RAPGEF2: variants seen among roughly 807,000 people sequenced by gnomAD.
The protein encoded by RAPGEF2 is PDZ domain containing guanine nucleotide exchange factor (GEF) 1.
A neutral mutation model predicts 186.7 loss-of-function variants in RAPGEF2; 54 were observed. That is an observed-to-expected ratio of 0.29 (90% CI 0.23 to 0.36). RAPGEF2 has a LOEUF of 0.36. Among genes scored for constraint, RAPGEF2 ranks in the 10% least tolerant of loss-of-function variants. The pLI is 1.00. For missense variants in RAPGEF2, 1,532 were observed against 2,045.0 expected, an observed-to-expected ratio of 0.75 and a Z score of 4.84; for synonymous variants, 712 against 705.9, an observed-to-expected ratio of 1.01 and a Z score of -0.14.
At chr4:159,175,928 A>G (rs1373455945) in intron 1 of RAPGEF2, among the ~76,000 whole-genome samples, 1 of 152,168 alleles carries the variant, frequency 6.6e-6, no homozygotes, top group Non-Finnish European at 1.5e-5. Context: ...TGCAGAGCTG[A>G]GAAAGAGATG....
chr4:159,339,940 G>A (rs2111253059), intron 19 of RAPGEF2, among the ~76,000 whole-genome samples: 1 of 152,268 alleles, frequency 6.6e-6, no homozygotes, highest in East Asian at 1.9e-4. Context: ...TGCTGCAGAA[G>A]TGCTTATATC....
chr4:159,273,650 CTTT>C (rs1758432518), intron 7 of RAPGEF2, among the ~76,000 whole-genome samples: 1 of 139,316 alleles, frequency 7.2e-6, no homozygotes, highest in Non-Finnish European at 1.6e-5. Flanking sequence ...TTCTTTCTTT[CTTT>C]CTTTCTTTCT....
At chr4:159,109,971 G>T (rs1395557970) in intron 1 of RAPGEF2, among the ~76,000 whole-genome samples, 1 of 152,186 alleles carries the variant, frequency 6.6e-6, no homozygotes, top group East Asian at 1.9e-4. Flanking sequence ...CATTTTCCTG[G>T]CTTGAGATGG....
intron 4 of RAPGEF2, among the ~76,000 whole-genome samples, chr4:159,218,425 G>A (rs898255724): frequency 7.9e-5 from 12 of 152,152 alleles, no homozygotes; most frequent in African/African-American, 2.4e-4. Flanking sequence ...GAGGCAATAC[G>A]TAAGCTTTTT....
At position 159,360,140 on chromosome 4, in the gene RAPGEF2, TATAAC is replaced by T. The variant is rs1377418806; in HGVS notation, c.*2006_*2010del. On this transcript the variant is annotated 3_prime_UTR_variant, in exon 30 of 30. Transcript: ENST00000691494. Reference sequence around the variant, plus strand: ...TTGTACAAGCTGGAAAATAAATAAATATAACATAAAGCCTTGCCTATATTCTTAAT... The same window carrying T: ...TTGTACAAGCTGGAAAATAAATAAATATAAAGCCTTGCCTATATTCTTAAT... 10 of 152,206 alleles carry T rather than the reference TATAAC, an allele frequency of 6.6e-5. No homozygotes were observed. The highest frequency in any genetic ancestry group is 6.2e-4 in the South Asian group (3 of 4,830). 9.4% of individuals were successfully genotyped at this position (152,206 alleles called of 1,614,324 possible).
At chr4:159,213,029 G>A (rs974277655) in intron 4 of RAPGEF2, among the ~76,000 whole-genome samples, 4 of 152,276 alleles carry the variant, frequency 2.6e-5, no homozygotes, top group Admixed American at 1.3e-4. Flanking sequence ...TTCTTTTTCT[G>A]GCTGGATGTC....
chr4:159,323,700 A>G, intron 11 of RAPGEF2, 83 bp downstream of exon 11: 3 of 832,446 alleles, frequency 3.6e-6, no homozygotes, highest in Non-Finnish European at 4.9e-6. Flanking sequence ...TTTTCTCCCT[A>G]TATAAATATC....
At chr4:159,133,294 T>G (rs1741311870) in intron 1 of RAPGEF2, among the ~76,000 whole-genome samples, 2 of 152,212 alleles carry the variant, frequency 1.3e-5, no homozygotes, top group Non-Finnish European at 2.9e-5. Context: ...ATTTTGCTTG[T>G]TGTTGTAGAA....
intron 7 of RAPGEF2, among the ~76,000 whole-genome samples, chr4:159,280,849 A>G (rs1759593838): frequency 6.6e-6 from 1 of 152,206 alleles, no homozygotes; most frequent in Non-Finnish European, 1.5e-5. Context: ...TCTACACAGC[A>G]ATAGGAAAGA....
intron 20 of RAPGEF2, among the ~76,000 whole-genome samples, 170 bp from the exon 21 acceptor site, chr4:159,342,809 A>G (rs1378286779): frequency 6.6e-6 from 1 of 151,874 alleles, no homozygotes. Context: ...CCCTGACCCT[A>G]CTTCCCTGTG....
At chr4:159,121,802 G>A (rs545468431) in intron 1 of RAPGEF2, among the ~76,000 whole-genome samples, 3 of 151,302 alleles carry the variant, frequency 2.0e-5, no homozygotes, top group South Asian at 4.2e-4. Flanking sequence ...AGGCCGAGGC[G>A]GGCGGATCAC....
Position 159,330,490 on chromosome 4 carries a change from A to G in RAPGEF2, c.1459A>G (p.Arg487Gly). The change falls in exon 13 of 30, where the codon AGG becomes GGG. Residue 487 changes from arginine (R) to glycine (G), a missense_variant. Physicochemically the swap from Arg to Gly is moderately radical, Grantham distance 125. Around this residue, in one of 4 missense-constraint regions of RAPGEF2, gnomAD observed 810 missense variants for 1,210.5 expected, o/e 0.67. Coordinates refer to ENST00000691494, the MANE Select transcript of RAPGEF2 (RefSeq NM_001394067.2). ...LLEWFNDPSL[R>G]DKVTRVVLLW... is the part of the protein sequence containing the mutation. ...GGAGTGGTTTAATGACCCGAGCCTC[A>G]GGGATAAGGTTGGAAATATATTCTA... 6.2e-7 allele frequency: 1 copy of G among 1,600,318 alleles called. No individual in the cohort carries two copies. Among genetic ancestry groups the G allele is most frequent in the South Asian group, 1.1e-5 (1 of 87,806 alleles).
At chr4:159,127,535 A>G (rs1471097142) in intron 1 of RAPGEF2, among the ~76,000 whole-genome samples, 1 of 152,134 alleles carries the variant, frequency 6.6e-6, no homozygotes, top group Non-Finnish European at 1.5e-5. Context: ...CACTGTTTTT[A>G]GCTTGCGTTT....
intron 7 of RAPGEF2, among the ~76,000 whole-genome samples, chr4:159,296,032 G>T (rs946689774): frequency 6.7e-6 from 1 of 149,446 alleles, no homozygotes; most frequent in Admixed American, 6.6e-5. Context: ...GGGAGTTAAA[G>T]AAGTTTTACA....
chr4:159,179,563 T>C (rs1015844721), intron 1 of RAPGEF2, among the ~76,000 whole-genome samples: 1 of 152,244 alleles, frequency 6.6e-6, no homozygotes, highest in Admixed American at 6.5e-5. Flanking sequence ...GGAGCGGGAC[T>C]TCTCAGCACC....
chr4:159,287,542 A>G (rs951686996), intron 7 of RAPGEF2, among the ~76,000 whole-genome samples: 9 of 152,196 alleles, frequency 5.9e-5, no homozygotes, highest in Non-Finnish European at 1.3e-4. Flanking sequence ...GGACTTGACT[A>G]TAAAGCATTA....
intron 7 of RAPGEF2, 95 bp downstream of exon 7, chr4:159,243,886 C>A: frequency 1.1e-6 from 1 of 951,236 alleles, no homozygotes. Context: ...ATATGTTTTG[C>A]TTCGTCTTGT....
At chr4:159,340,707 A>ACAC (rs869035959) in intron 19 of RAPGEF2, among the ~76,000 whole-genome samples, 1 of 140,696 alleles carries the variant, frequency 7.1e-6, no homozygotes, top group Non-Finnish European at 1.5e-5. Flanking sequence ...ACACACACAC[A>ACAC]TTTATGGAAT....
At chr4:159,141,725 A>T (rs1742361759) in intron 1 of RAPGEF2, among the ~76,000 whole-genome samples, 1 of 152,126 alleles carries the variant, frequency 6.6e-6, no homozygotes, top group Non-Finnish European at 1.5e-5. Context: ...AAACTTTACC[A>T]CTTTTGCCAA....
Sources: allele counts gnomAD v4.1 joint callset (sites outside exome capture counted in the v4.1 genomes callset), GRCh38; gene constraint gnomAD v4.1.1; regional missense constraint gnomAD v4.1.1; transcripts MANE v1.5; gene names NCBI Gene and HGNC (gene_info 2026-07-23, HGNC 2026-07-21).